Variants in GEMIN5 observed in about 807,000 individuals in gnomAD.
GEMIN5 encodes gem-associated protein 5.
GEMIN5 carries 124 observed loss-of-function variants against 176.9 expected under a neutral mutation model. The observed-to-expected ratio is 0.70, with a 90% CI of 0.61 to 0.81. The LOEUF (loss-of-function observed/expected upper bound fraction) is 0.81. GEMIN5 is among the 40% of genes least tolerant of loss of function. The pLI, the probability that GEMIN5 is intolerant of heterozygous loss-of-function variation, is 0.00. For synonymous variants in GEMIN5, 673 were observed against 665.2 expected, an observed-to-expected ratio of 1.01 and a Z score of -0.18; for missense variants, 1,843 against 1,814.6, an observed-to-expected ratio of 1.02 and a Z score of -0.28.
At chr5:154,936,205 A>G (rs989399080) in intron 2 of GEMIN5, among the ~76,000 whole-genome samples, 183 bp from the exon 3 acceptor site, 2 of 152,074 alleles carry the variant, frequency 1.3e-5, no homozygotes, top group Admixed American at 6.6e-5. Flanking sequence ...TCACCAGGTA[A>G]GGAGATCGAG....
In GEMIN5 at chr5:154,898,530, A is replaced by AG. The variant is rs1763402478; in HGVS notation, c.3254dup (p.Ser1086PhefsTer27). ...CTTGGGCACATCTGAGAGCCAGGGA[A>AG]GCAGACAACTCATCCTCTCCTACGA... On this transcript the variant is annotated frameshift_variant, in exon 23 of 28. Transcript: ENST00000285873. LOFTEE classifies it high-confidence loss of function. The AG allele has an allele frequency of 1.9e-6, 3 of 1,614,196 alleles. No individual in the cohort carries two copies. In the East Asian group the frequency reaches 6.7e-5, roughly 36 times the overall value.
intron 15 of GEMIN5, among the ~76,000 whole-genome samples, chr5:154,911,242 G>A (rs184374974): frequency 2.0e-5 from 3 of 152,174 alleles, no homozygotes; most frequent in East Asian, 1.9e-4. Context: ...GGCTGGGCAC[G>A]GTGGCTCATG....
At chr5:154,923,524 C>T (rs903253359) in intron 9 of GEMIN5, among the ~76,000 whole-genome samples, 1 of 152,252 alleles carries the variant, frequency 6.6e-6, no homozygotes, top group Non-Finnish European at 1.5e-5. Flanking sequence ...CTCCACTCTG[C>T]TGTGGTAGTA....
chr5:154,907,259 A>T (rs188981306), intron 16 of GEMIN5, among the ~76,000 whole-genome samples: 1 of 152,326 alleles, frequency 6.6e-6, no homozygotes, highest in East Asian at 1.9e-4. Context: ...GTGGCTACTG[A>T]TGTCATACTG....
chr5:154,887,922 G>A lies in GEMIN5; in HGVS notation c.*288C>T. 3 of 358,456 alleles carry A rather than the reference G, an allele frequency of 8.4e-6. No homozygotes were observed. Among genetic ancestry groups the A allele is most frequent in the Non-Finnish European group, 1.5e-5 (3 of 195,458 alleles). The allele number at this position is 358,456 out of a possible 1,614,324, so 22.2% of individuals were successfully genotyped here. ...AGTTTCTCCTCTTTGGGTGAAACCT[G>A]CCTAAGGCTGTAGAGATGACCAACA... On this transcript the variant is annotated 3_prime_UTR_variant, in exon 28 of 28. Coordinates refer to ENST00000285873, the MANE Select transcript of GEMIN5 (RefSeq NM_015465.5).
Position 154,932,265 on chromosome 5 carries a change from T to G in GEMIN5, c.510-15A>C, listed in dbSNP as rs1561730454. The G allele has an allele frequency of 6.3e-7, 1 of 1,577,178 alleles. No homozygotes were observed. On this transcript the variant is annotated splice_polypyrimidine_tract_variant and intron_variant, in intron 3 of 27. Coordinates refer to ENST00000285873, the MANE Select transcript of GEMIN5 (RefSeq NM_015465.5). Reference sequence around the variant, plus strand: ...CATCCTTGTAGCTAAAAAACAAGAGTTAGAAATATTACTAAAAAAATGAAG... The same window carrying G: ...CATCCTTGTAGCTAAAAAACAAGAGGTAGAAATATTACTAAAAAAATGAAG...
chr5:154,923,962 A>C (rs1763976620), intron 9 of GEMIN5, among the ~76,000 whole-genome samples: 1 of 152,264 alleles, frequency 6.6e-6, no homozygotes, highest in South Asian at 2.1e-4. Context: ...TATGTAACCT[A>C]AAGTTTTCTA....
intron 24 of GEMIN5, among the ~76,000 whole-genome samples, chr5:154,893,504 G>T (rs968932025): frequency 1.3e-5 from 2 of 152,050 alleles, no homozygotes; most frequent in African/African-American, 4.8e-5. Flanking sequence ...TTTTAAGTAT[G>T]TAGTTTGAGA....
At chr5:154,901,603 G>T in intron 20 of GEMIN5, 117 bp from the exon 21 acceptor site, 1 of 784,756 alleles carries the variant, frequency 1.3e-6, no homozygotes. Flanking sequence ...AGAACATTTA[G>T]ATACCAATTC....
chr5:154,897,631 T>G (rs924223088), intron 23 of GEMIN5, among the ~76,000 whole-genome samples: 1 of 152,122 alleles, frequency 6.6e-6, no homozygotes, highest in African/African-American at 2.4e-5. Context: ...AAATTACAGA[T>G]GTGTGCCACC....
At chr5:154,905,776 T>C (rs1322741378) in intron 16 of GEMIN5, among the ~76,000 whole-genome samples, 2 of 151,252 alleles carry the variant, frequency 1.3e-5, no homozygotes, top group African/African-American at 4.9e-5. Flanking sequence ...CTTGGCTTAC[T>C]GCAACCTCTG....
At chr5:154,896,041 G>C in intron 24 of GEMIN5, 51 bp downstream of exon 24, 1 of 1,593,084 alleles carries the variant, frequency 6.3e-7, no homozygotes, top group East Asian at 2.2e-5. Flanking sequence ...ATGGATTAAG[G>C]AAGTCTTACC....
In GEMIN5 at chr5:154,929,009, G is replaced by A. The variant is rs537557993; in HGVS notation, c.782-350C>T. On this transcript the variant is annotated intron_variant, in intron 5 of 27. Coordinates refer to ENST00000285873, the MANE Select transcript of GEMIN5 (RefSeq NM_015465.5). The stretch of plus-strand genomic sequence containing the variant: ...GAGGCCGAGGCGGGAGGATCACGAG[G>A]TCAGGAGATCGAGACCATCCTGGCT... Among the ~76,000 whole-genome samples, 18 of 151,978 alleles carry A rather than the reference G, an allele frequency of 1.2e-4. No individual in the cohort carries two copies. In the East Asian group the frequency reaches 3.3e-3, roughly 28 times the overall value.
At position 154,935,890 on chromosome 5, in the gene GEMIN5, T is replaced by C. The variant is rs774451856; in HGVS notation, c.460A>G (p.Ile154Val). 9 of 1,613,674 alleles carry C rather than the reference T, an allele frequency of 5.6e-6. No homozygotes were observed. In the African/African-American group the frequency reaches 8.0e-5, roughly 14 times the overall value. The change falls in exon 3 of 28, where the codon ATT (isoleucine) becomes GTT (valine). Residue 154 changes from isoleucine (I) to valine (V), a missense_variant. By Grantham distance (29) the Ile-to-Val change is conservative. Transcript: ENST00000285873. Reference protein sequence around the residue: ...SQHLFIEPRTIFCLTCSPHHE... With the variant: ...SQHLFIEPRTVFCLTCSPHHE... The stretch of plus-strand genomic sequence containing the variant: ...TGAGGTGAACAAGTAAGACAGAAAA[T>C]TGTCCTGGGTTCTATAAAGAGGTGC...
intron 20 of GEMIN5, 146 bp downstream of exon 20, chr5:154,902,393 T>G (rs1277892370): frequency 7.1e-6 from 5 of 701,664 alleles, no homozygotes; most frequent in African/African-American, 3.6e-5. Flanking sequence ...GGGTTGGATT[T>G]ATTAGTTTGT....
rs372184983 is a variant in GEMIN5, at chr5:154,927,589, C to T, written c.915-39G>A. On this transcript the variant is annotated intron_variant, in intron 6 of 27. Transcript: ENST00000285873. ...ACATAAGCATTAGTTCTTTTACAAA[C>T]GATCTGAAAACAAGTGACTGTTGAG... 4.1e-5 allele frequency: 61 copies of T among 1,482,176 alleles called. No individual in the cohort carries two copies. The Admixed American group carries it at 8.8e-4, about 21-fold the overall frequency. The allele number at this position is 1,482,176 out of a possible 1,614,324, so 91.8% of individuals were successfully genotyped here.
chr5:154,897,215 C>T (rs1176426000), intron 23 of GEMIN5, among the ~76,000 whole-genome samples: 2 of 152,178 alleles, frequency 1.3e-5, no homozygotes, highest in African/African-American at 4.8e-5. Context: ...AAAGCTACCT[C>T]CCCATGTACC....
At position 154,924,531 on chromosome 5, in the gene GEMIN5, T is replaced by C. The variant is rs1443038451; in HGVS notation, c.1317A>G (p.Glu439=). Residue 439 remains glutamate (E), a synonymous_variant, in exon 9 of 28, where the codon GAA becomes GAG. Transcript: ENST00000285873. ...CATCAGTTCCAAAAGCTAAGCAACCTTCCTTGGTTGGGTGCCAGCACAGCT... is the reference window on the plus strand; with the variant it reads ...CATCAGTTCCAAAAGCTAAGCAACCCTCCTTGGTTGGGTGCCAGCACAGCT... The part of the protein sequence containing the change: ...VTALCWHPTK[E]GCLAFGTDDG... 3 of 1,611,858 alleles carry C rather than the reference T, an allele frequency of 1.9e-6. No homozygotes were observed. Among genetic ancestry groups the C allele is most frequent in the Non-Finnish European group, 8.5e-7 (1 of 1,178,036 alleles).
At position 154,904,644 on chromosome 5, in the gene GEMIN5, A is replaced by G; in HGVS notation, c.2510-15T>C. On this transcript the variant is annotated splice_polypyrimidine_tract_variant and intron_variant, in intron 17 of 27. Coordinates refer to ENST00000285873, the MANE Select transcript of GEMIN5 (RefSeq NM_015465.5). Reference sequence around the variant, plus strand: ...GATTAAGGTTTCTGAAATTTAATAAAGTACATACTATCTGAAGGAGAACTG... The same window carrying G: ...GATTAAGGTTTCTGAAATTTAATAAGGTACATACTATCTGAAGGAGAACTG... 1 of 1,598,048 alleles carries G rather than the reference A, an allele frequency of 6.3e-7. No individual in the cohort carries two copies. The highest frequency in any genetic ancestry group is 8.6e-7 in the Non-Finnish European group (1 of 1,165,742).
Sources: allele counts gnomAD v4.1 joint callset (sites outside exome capture counted in the v4.1 genomes callset), GRCh38; gene constraint gnomAD v4.1.1; transcripts MANE v1.5; gene names NCBI Gene and HGNC (gene_info 2026-07-23, HGNC 2026-07-21).